The following ZNF831 variants were observed in gnomAD, a reference collection of about 807,000 sequenced individuals.
ZNF831 encodes the protein zinc finger protein 831.
In ZNF831, 59 loss-of-function variants were observed where a neutral mutation model predicts 95.8. That is an observed-to-expected ratio of 0.62 (90% CI 0.50 to 0.77). The LOEUF (loss-of-function observed/expected upper bound fraction) is 0.77. Among genes scored for constraint, ZNF831 ranks in the 30% least tolerant of loss-of-function variants. The probability of loss-of-function intolerance (pLI) is 0.00; values close to 1 mark genes in which losing one functional copy is unlikely to be tolerated. For missense variants in ZNF831, 2,205 were observed against 2,164.0 expected, an observed-to-expected ratio of 1.02 and a Z score of -0.38; for synonymous variants, 961 against 925.5, an observed-to-expected ratio of 1.04 and a Z score of -0.70.
intron 4 of ZNF831, among the ~76,000 whole-genome samples, chr20:59,223,290 C>T (rs1212405555): frequency 8.5e-5 from 13 of 152,202 alleles, no homozygotes. Context: ...CCGCAAAATG[C>T]AGGCTCCCAA....
At chr20:59,126,924 G>A (rs1196810366) in intron 1 of ZNF831, among the ~76,000 whole-genome samples, 1 of 152,180 alleles carries the variant, frequency 6.6e-6, no homozygotes, top group East Asian at 1.9e-4. Context: ...GTGGTGGAGA[G>A]TGTGGCTTTG....
At chr20:59,197,358 T>C (rs1322803625) in intron 3 of ZNF831, among the ~76,000 whole-genome samples, 1 of 152,134 alleles carries the variant, frequency 6.6e-6, no homozygotes, top group Non-Finnish European at 1.5e-5. Context: ...ATGGTATTAT[T>C]AGCCCCATTT....
rs548840438 is a variant in ZNF831 at position 59,131,719 on chromosome 20, G to A, written c.-1425+8214G>A. Among the ~76,000 whole-genome samples the A allele has an allele frequency of 2.0e-5, 3 of 152,306 alleles. No individual in the cohort carries two copies. The East Asian group carries it at 5.8e-4, about 29-fold the overall frequency. On this transcript the variant is annotated intron_variant, in intron 1 of 7. Coordinates refer to the ZNF831 transcript ENST00000637017. ...GGGAGTAAGGGATTGAGTGGGTGAT[G>A]GGTACAGCCCCAGGGAGGTGTGAAG... is the stretch of plus-strand genomic sequence containing the variant.
chr20:59,241,959 C>T (rs950729029), intron 4 of ZNF831, among the ~76,000 whole-genome samples: 2 of 152,186 alleles, frequency 1.3e-5, no homozygotes, highest in East Asian at 1.9e-4. Context: ...ATTCCCCCAT[C>T]GTCTTTTGCT....
intron 4 of ZNF831, among the ~76,000 whole-genome samples, chr20:59,211,778 C>G (rs1047587216): frequency 7.6e-6 from 1 of 132,184 alleles, no homozygotes; most frequent in Non-Finnish European, 1.5e-5. Flanking sequence ...GGGAGCTGAC[C>G]TTGTGTGTGT....
chr20:59,142,690 T>C lies in ZNF831; in HGVS notation c.-1424-3541T>C, dbSNP rs140514198. 2.9e-3 allele frequency among the ~76,000 whole-genome samples: 443 copies of C among 152,360 alleles called. 1 individual carries two copies. Among genetic ancestry groups the C allele is most frequent in the African/African-American group, 0.01 (425 of 41,582 alleles). ...TGGCTTTACAGCATTTGATGAGGAA[T>C]GCCTCTAGCAAAAATTTCATAGTGC... is the stretch of plus-strand genomic sequence containing the variant. On this transcript the variant is annotated intron_variant, in intron 1 of 7. Coordinates refer to the ZNF831 transcript ENST00000637017.
intron 1 of ZNF831, among the ~76,000 whole-genome samples, chr20:59,174,515 T>G (rs1163941057): frequency 6.6e-6 from 1 of 152,126 alleles, no homozygotes. Flanking sequence ...TAGAACCATA[T>G]CAGACAGTGT....
rs768272702 is a variant in ZNF831 at position 59,194,444 on chromosome 20, G to A, written c.3425G>A (p.Gly1142Asp). The change falls in exon 2 of 6, where the codon GGT becomes GAT. Residue 1142 changes from glycine to aspartate, a missense_variant. By Grantham distance (94) the Gly-to-Asp change is moderately conservative (BLOSUM62 -1). Coordinates refer to ENST00000371030, the MANE Select transcript of ZNF831 (RefSeq NM_178457.3). Reference protein sequence around the residue: ...SFLTALTRPQGVPPGWPELAL... With the variant: ...SFLTALTRPQDVPPGWPELAL... ...CTCACTGCCCTCACTCGGCCTCAGG[G>A]TGTGCCCCCAGGCTGGCCAGAGCTG... The A allele has an allele frequency of 1.9e-6, 3 of 1,612,982 alleles. No individual in the cohort carries two copies. Among genetic ancestry groups the A allele is most frequent in the Non-Finnish European group, 2.5e-6 (3 of 1,179,754 alleles).
At position 59,182,011 on chromosome 20, in the gene ZNF831, C is replaced by G. The variant is rs77658015; in HGVS notation, c.-36-8973C>G. Among the ~76,000 whole-genome samples, 658 of 152,260 alleles carry G rather than the reference C, an allele frequency of 4.3e-3. 6 individuals carry two copies. The highest frequency in any genetic ancestry group is 0.015 in the African/African-American group (618 of 41,526). ...ATCTTATTCTGCATGCCAGCCCAGG[C>G]TTCCCTGTTCTCTCTGTCTTTCTTC... On this transcript the variant is annotated intron_variant, in intron 1 of 5. Transcript: ENST00000371030.
At chr20:59,175,433 A>T (rs80005779) in intron 1 of ZNF831, among the ~76,000 whole-genome samples, 12,504 of 149,624 alleles carry the variant, frequency 0.084, 698 homozygotes, top group Non-Finnish European at 0.12. Context: ...TATTTTTTTT[A>T]ATTTTCATCC....
At chr20:59,236,266 G>A (rs942461033) in intron 4 of ZNF831, among the ~76,000 whole-genome samples, 1 of 152,152 alleles carries the variant, frequency 6.6e-6, no homozygotes, top group Non-Finnish European at 1.5e-5. Context: ...CCTAGCCAAC[G>A]AGTCTCTTGG....
At position 59,194,738 on chromosome 20, in the gene ZNF831, G is replaced by A. The variant is rs2146604535; in HGVS notation, c.3719G>A (p.Gly1240Glu). ...ACCTGGACAAGCCCTGGAGAAGGAG[G>A]GCCGGCGCAGATGTCCAAGGTAAAG... is the stretch of plus-strand genomic sequence containing the variant. Reference protein sequence around the residue: ...GWTWTSPGEGGPAQMSKFSYP... With the variant: ...GWTWTSPGEGEPAQMSKFSYP... Residue 1240 changes from glycine (G) to glutamate (E), a missense_variant, in exon 2 of 6, where the codon GGG (glycine) becomes GAG (glutamate). Gly to Glu is a moderately conservative substitution (Grantham distance 98). Coordinates refer to ENST00000371030, the MANE Select transcript of ZNF831 (RefSeq NM_178457.3). The A allele has an allele frequency of 1.3e-6, 2 of 1,569,620 alleles. No individual in the cohort carries two copies. Among genetic ancestry groups the A allele is most frequent in the Middle Eastern group, 1.7e-4 (1 of 5,810 alleles).
At chr20:59,195,846 G>A (rs1984060073) in intron 2 of ZNF831, 23 bp from the exon 3 acceptor site, 1 of 1,604,906 alleles carries the variant, frequency 6.2e-7, no homozygotes, top group African/African-American at 1.3e-5. Flanking sequence ...GTAATGTGAT[G>A]CCAACATGCT....
intron 1 of ZNF831, among the ~76,000 whole-genome samples, chr20:59,188,563 A>G (rs1316151222): frequency 6.6e-6 from 1 of 152,118 alleles, no homozygotes; most frequent in Non-Finnish European, 1.5e-5. Flanking sequence ...CGGCTGAGGC[A>G]TGAGAATCGC....
At chr20:59,144,619 A>G (rs368077105) in intron 1 of ZNF831, among the ~76,000 whole-genome samples, 2 of 152,190 alleles carry the variant, frequency 1.3e-5, no homozygotes, top group Non-Finnish European at 2.9e-5. Flanking sequence ...CCGAGGCCCT[A>G]CAGTTGGCGT....
At chr20:59,242,239 A>G (rs1478333481) in intron 4 of ZNF831, among the ~76,000 whole-genome samples, 2 of 152,234 alleles carry the variant, frequency 1.3e-5, no homozygotes, top group Admixed American at 6.5e-5. Flanking sequence ...ATTGAAATGG[A>G]TCAATTTCTC....
At chr20:59,242,906 C>G (rs1987409077) in intron 4 of ZNF831, among the ~76,000 whole-genome samples, 1 of 152,144 alleles carries the variant, frequency 6.6e-6, no homozygotes, top group African/African-American at 2.4e-5. Context: ...AGATGAAGCG[C>G]CCTGGTGGTG....
Position 59,193,193 on chromosome 20 carries a change from T to G in ZNF831, c.2174T>G (p.Val725Gly), listed in dbSNP as rs2146578689. 6.3e-7 allele frequency: 1 copy of G among 1,579,046 alleles called. No homozygotes were observed. The part of the protein sequence containing the change: ...ARRGDSDRPR[V>G]EEAVSSPALG... ...AGAGGAGACAGTGACCGACCCAGGGTGGAAGAGGCTGTGTCATCCCCTGCA... is the reference window on the plus strand; with the variant it reads ...AGAGGAGACAGTGACCGACCCAGGGGGGAAGAGGCTGTGTCATCCCCTGCA... The change falls in exon 2 of 6, where the codon GTG (valine) becomes GGG (glycine). Residue 725 changes from valine (V) to glycine (G), a missense_variant. Physicochemically the swap from Val to Gly is moderately radical, Grantham distance 109. Transcript: ENST00000371030.
In ZNF831 at chr20:59,259,021, G is replaced by A. The variant is rs1388986238; in HGVS notation, c.*4278G>A. ...TACTCAATTGGTTGTTCACAATCAGGGAAATGATTGGCTTCTTGGTTGTTT... is the reference window on the plus strand; with the variant it reads ...TACTCAATTGGTTGTTCACAATCAGAGAAATGATTGGCTTCTTGGTTGTTT... On this transcript the variant is annotated 3_prime_UTR_variant, in exon 6 of 6. Coordinates refer to ENST00000371030, the MANE Select transcript of ZNF831 (RefSeq NM_178457.3). 1 of 152,122 alleles carries A rather than the reference G, an allele frequency of 6.6e-6. No individual in the cohort carries two copies. Among genetic ancestry groups the A allele is most frequent in the Non-Finnish European group, 1.5e-5 (1 of 68,026 alleles). 9.4% of individuals were successfully genotyped at this position (152,122 alleles called of 1,614,324 possible). A position where few individuals can be genotyped will look rare whatever the true frequency, so the allele number is the denominator to read the frequency against.
Sources: allele counts gnomAD v4.1 joint callset (sites outside exome capture counted in the v4.1 genomes callset), GRCh38; gene constraint gnomAD v4.1.1; transcripts MANE v1.5; gene names NCBI Gene and HGNC (gene_info 2026-07-23, HGNC 2026-07-21).